BNC1: variants seen among roughly 807,000 people sequenced by gnomAD.
The protein encoded by BNC1 is basonuclin zinc finger protein 1, also known as zinc finger protein basonuclin-1.
A neutral mutation model predicts 66.5 loss-of-function variants in BNC1; 8 were observed. That is an observed-to-expected ratio of 0.12 (90% confidence interval 0.07 to 0.22). BNC1 has a LOEUF of 0.22. BNC1 is among the 10% of genes least tolerant of loss of function. The pLI, the probability that BNC1 is intolerant of heterozygous loss-of-function variation, is 1.00. For synonymous variants in BNC1, 454 were observed against 452.6 expected (o/e 1.00, Z -0.04); for missense variants, 1,069 against 1,241.3 (o/e 0.86, Z 2.09).
In BNC1 at chr15:83,283,010, G is replaced by A. The variant is rs985223292; in HGVS notation, c.99+1520C>T. 6.0e-6 allele frequency: 7 copies of A among 1,170,170 alleles called. No homozygotes were observed. The African/African-American group carries it at 7.6e-5, about 13-fold the overall frequency. 72.5% of individuals were successfully genotyped at this position (1,170,170 alleles called of 1,614,324 possible). On this transcript the variant is annotated intron_variant, in intron 1 of 4. Coordinates refer to ENST00000345382, the MANE Select transcript of BNC1 (RefSeq NM_001717.4). ...TAAATGCCCTGGCCTTCAGAGGACT[G>A]AGGCGAGCACAGCCATAAAACCAGG...
In BNC1 at chr15:83,264,451, T is replaced by A. The variant is rs2038192513; in HGVS notation, c.800A>T (p.Glu267Val). The change falls in exon 4 of 5, where the codon GAG becomes GTG. Residue 267 changes from glutamate (E) to valine (V), a missense_variant. Transcript: ENST00000345382. ...IGSLPEQYML[E>V]QGHDQSQDPK... ...GTCCTGACTTTGGTCATGACCCTGC[T>A]CCAACATATATTGTTCGGGCAATGA... The A allele has an allele frequency of 6.2e-7, 1 of 1,614,190 alleles. No homozygotes were observed. Among genetic ancestry groups the A allele is most frequent in the Non-Finnish European group, 8.5e-7 (1 of 1,180,034 alleles).
Position 83,256,291 on chromosome 15 carries a change from A to G in BNC1, c.*1151T>C, listed in dbSNP as rs2038072289. ...ATTTTAGGAGATGGTTTCATTCCAC[A>G]GGACTGACTGAACTTCCTTTCTACC... is the stretch of plus-strand genomic sequence containing the variant. On this transcript the variant is annotated 3_prime_UTR_variant, in exon 5 of 5. Transcript: ENST00000345382. 6.5e-6 allele frequency: 1 copy of G among 152,698 alleles called. No individual in the cohort carries two copies. Among genetic ancestry groups the G allele is most frequent in the South Asian group, 2.1e-4 (1 of 4,838 alleles). The allele number at this position is 152,698 out of a possible 1,614,324, so 9.5% of individuals were successfully genotyped here.
At chr15:83,278,742 G>A (rs2038350806) in intron 1 of BNC1, among the ~76,000 whole-genome samples, 2 of 152,144 alleles carry the variant, frequency 1.3e-5, no homozygotes, top group South Asian at 4.1e-4. Context: ...TGGACTGAAG[G>A]ATACATACCA....
Position 83,266,917 on chromosome 15 carries a change from C to G in BNC1, c.354G>C (p.Val118=), listed in dbSNP as rs146127984. ...LKILLDRLFS[V]LKQDEVLQIL... Reference sequence around the variant, plus strand: ...TCTGGAGAACCTCATCTTGCTTCAACACACTGAAGAGCCGGTCCAGTAGGA... The same window carrying G: ...TCTGGAGAACCTCATCTTGCTTCAAGACACTGAAGAGCCGGTCCAGTAGGA... Residue 118 remains valine, a synonymous_variant, in exon 3 of 5, where the codon GTG becomes GTC. Transcript: ENST00000345382. The G allele has an allele frequency of 3.5e-5, 57 of 1,614,210 alleles. No individual in the cohort carries two copies. The African/African-American group carries it at 5.3e-4, about 15-fold the overall frequency.
Position 83,257,232 on chromosome 15 carries a change from G to T in BNC1, c.*210C>A. 1.6e-6 allele frequency: 1 copy of T among 610,770 alleles called. No individual in the cohort carries two copies. Among genetic ancestry groups the T allele is most frequent in the East Asian group, 2.8e-5 (1 of 35,162 alleles). 37.8% of individuals were successfully genotyped at this position (610,770 alleles called of 1,614,324 possible). ...CCTTGTATCAGTGAAAGACCTCTTG[G>T]GCTAAGAAAAATAATAGGAAGGGCT... On this transcript the variant is annotated 3_prime_UTR_variant, in exon 5 of 5. Coordinates refer to ENST00000345382, the MANE Select transcript of BNC1 (RefSeq NM_001717.4).
intron 1 of BNC1, among the ~76,000 whole-genome samples, chr15:83,276,226 A>G (rs78185025): frequency 6.6e-6 from 1 of 152,204 alleles, no homozygotes; most frequent in African/African-American, 2.4e-5. Flanking sequence ...CACAACAAGT[A>G]AGTTCTTCGG....
intron 1 of BNC1, among the ~76,000 whole-genome samples, chr15:83,276,088 G>A (rs1197253062): frequency 6.6e-6 from 1 of 152,088 alleles, no homozygotes; most frequent in African/African-American, 2.4e-5. Flanking sequence ...TGGTGCCTTT[G>A]GCCATCATGT....
intron 1 of BNC1, among the ~76,000 whole-genome samples, chr15:83,274,336 G>A (rs1415919593): frequency 6.6e-6 from 1 of 152,196 alleles, no homozygotes; most frequent in Non-Finnish European, 1.5e-5. Flanking sequence ...AGTGAGCTGA[G>A]ATCGCGCCAC....
chr15:83,275,364 C>T (rs965080254), intron 1 of BNC1, among the ~76,000 whole-genome samples: 1 of 151,908 alleles, frequency 6.6e-6, no homozygotes, highest in Admixed American at 6.6e-5. Flanking sequence ...GGCGTGGTGG[C>T]GCATGCCTGT....
intron 1 of BNC1, chr15:83,283,149 CG>C (rs1191060607): frequency 2.3e-5 from 36 of 1,535,438 alleles, no homozygotes; most frequent in Non-Finnish European, 8.7e-7. Context: ...AGACTCGGAG[CG>C]GTGGCAGCCC....
intron 1 of BNC1, among the ~76,000 whole-genome samples, chr15:83,281,764 C>A (rs1475126288): frequency 6.6e-6 from 1 of 152,246 alleles, no homozygotes; most frequent in South Asian, 2.1e-4. Flanking sequence ...CCTAGGCATT[C>A]ATAAATGACA....
chr15:83,276,666 T>C (rs1480362562), intron 1 of BNC1, among the ~76,000 whole-genome samples: 1 of 152,244 alleles, frequency 6.6e-6, no homozygotes, highest in Admixed American at 6.5e-5. Flanking sequence ...CCTGTCTGCC[T>C]TTCCCTCTTC....
chr15:83,276,764 G>A (rs1395145687), intron 1 of BNC1, among the ~76,000 whole-genome samples: 1 of 152,228 alleles, frequency 6.6e-6, no homozygotes, highest in African/African-American at 2.4e-5. Context: ...CCTAAGGATG[G>A]CTGAGAAGAA....
intron 1 of BNC1, chr15:83,283,414 CCCCAGCCTCGCCGCCGCCGCCCGGCT>C: frequency 7.9e-7 from 1 of 1,270,322 alleles, no homozygotes; most frequent in Middle Eastern, 3.0e-4. Context: ...CGCCCGCGGC[CCCCAGCCTCGCCGCCGCCGCCCGGCT>C]CCCAGCACGG....
rs1335705653 is a variant in BNC1, at chr15:83,263,911, G to A, written c.1340C>T (p.Ser447Phe). ...NYKCPGFTVT[S>F]PDCRPPPSYP... is the part of the protein sequence containing the mutation. ...GCTGGGAGGAGGCCTACAGTCTGGG[G>A]ACGTCACTGTGAAACCTGGGCACTT... Residue 447 changes from serine (S) to phenylalanine (F), a missense_variant, in exon 4 of 5, where the codon TCC (serine) becomes TTC (phenylalanine). By Grantham distance (155) the Ser-to-Phe change is radical. Around this residue, in one of 7 missense-constraint regions of BNC1, gnomAD observed 657 missense variants for 715.8 expected, o/e 0.92. Coordinates refer to ENST00000345382, the MANE Select transcript of BNC1 (RefSeq NM_001717.4). The A allele has an allele frequency of 6.8e-6, 11 of 1,614,084 alleles. No homozygotes were observed. Among genetic ancestry groups the A allele is most frequent in the African/African-American group, 1.3e-5 (1 of 74,946 alleles).
chr15:83,284,454 C>A (rs1431759311), intron 1 of BNC1, 76 bp downstream of exon 1: 7 of 972,684 alleles, frequency 7.2e-6, no homozygotes, highest in Non-Finnish European at 8.9e-6. Context: ...CCACGGGAGC[C>A]GGAGCCCAGC....
chr15:83,283,055 A>C, intron 1 of BNC1: 1,135 of 1,193,508 alleles, frequency 9.5e-4, no homozygotes, highest in Non-Finnish European at 1.2e-3. Flanking sequence ...CGAACCCCCG[A>C]GCGTCTGATG....
At chr15:83,283,340 C>A in intron 1 of BNC1, 1 of 1,456,508 alleles carries the variant, frequency 6.9e-7, no homozygotes, top group Non-Finnish European at 9.1e-7. Context: ...GGCGGCGGGG[C>A]TCCGGGTCTG....
rs992861305 is a variant in BNC1 at position 83,257,346 on chromosome 15, C to T, written c.*96G>A. The T allele has an allele frequency of 8.0e-6, 11 of 1,368,022 alleles. No homozygotes were observed. The highest frequency in any genetic ancestry group is 1.5e-5 in the African/African-American group (1 of 68,540). 84.7% of individuals were successfully genotyped at this position (1,368,022 alleles called of 1,614,324 possible). On this transcript the variant is annotated 3_prime_UTR_variant, in exon 5 of 5. Coordinates refer to ENST00000345382, the MANE Select transcript of BNC1 (RefSeq NM_001717.4). Reference sequence around the variant, plus strand: ...TCAAATCAAATACTTTTGCCTGACTCGCCCCAAATGATATGAAACAGAAAC... The same window carrying T: ...TCAAATCAAATACTTTTGCCTGACTTGCCCCAAATGATATGAAACAGAAAC...
Sources: allele counts gnomAD v4.1 joint callset (sites outside exome capture counted in the v4.1 genomes callset), GRCh38; gene constraint gnomAD v4.1.1; regional missense constraint gnomAD v4.1.1; transcripts MANE v1.5; gene names NCBI Gene and HGNC (gene_info 2026-07-23, HGNC 2026-07-21).